The following CEACAM20 variants were observed in gnomAD, a reference collection of about 807,000 sequenced individuals.
CEACAM20 encodes the protein CEA cell adhesion molecule 20.
CEACAM20 carries 50 observed loss-of-function variants against 61.2 expected under a neutral mutation model. That is an observed-to-expected ratio of 0.82 (90% CI 0.65 to 1.03). The LOEUF (loss-of-function observed/expected upper bound fraction) is 1.03. Among genes scored for constraint, CEACAM20 ranks in the 50% least tolerant of loss-of-function variants. The probability of loss-of-function intolerance (pLI) is 0.00; values close to 1 mark genes in which losing one functional copy is unlikely to be tolerated. For synonymous variants in CEACAM20, 282 were observed against 287.7 expected (o/e 0.98, Z 0.20); for missense variants, 683 against 736.4 (o/e 0.93, Z 0.84).
chr19:44,528,158 T>C (rs751129144), intron 1 of CEACAM20, among the ~76,000 whole-genome samples: 2,222 of 124,702 alleles, frequency 0.018, 70 homozygotes, highest in African/African-American at 0.059. Flanking sequence ...TCTTTCTTTC[T>C]TTTCTTTCTT....
At chr19:44,525,333 G>A in intron 1 of CEACAM20, 89 bp from the exon 2 acceptor site, 1 of 1,310,630 alleles carries the variant, frequency 7.6e-7, no homozygotes, top group East Asian at 2.6e-5. Flanking sequence ...GGAGCTCTGA[G>A]GCCATAGGAC....
chr19:44,515,920 T>A (rs936761982), intron 6 of CEACAM20, among the ~76,000 whole-genome samples: 11 of 152,160 alleles, frequency 7.2e-5, no homozygotes, highest in African/African-American at 2.4e-4. Context: ...CAGTGACCCA[T>A]GATCATGCCA....
intron 5 of CEACAM20, among the ~76,000 whole-genome samples, chr19:44,518,003 G>A (rs769978855): frequency 1.3e-5 from 2 of 151,688 alleles, no homozygotes; most frequent in Non-Finnish European, 2.9e-5. Flanking sequence ...TTGAACCTGG[G>A]AGGCCGAAGT....
chr19:44,522,670 G>A lies in CEACAM20; in HGVS notation c.715C>T (p.Leu239=), dbSNP rs754408705. 1.2e-6 allele frequency: 2 copies of A among 1,613,684 alleles called. No individual in the cohort carries two copies. The highest frequency in any genetic ancestry group is 8.5e-7 in the Non-Finnish European group (1 of 1,179,776). The change falls in exon 4 of 12, where the codon CTG becomes TTG. Residue 239 remains leucine, a synonymous_variant. Transcript: ENST00000614924. The part of the protein sequence containing the change: ...RCLVSNSATH[L]SSLGTLKVRV... ...ACCTTCAGAGTACCCAGGCTGGACA[G>A]GTGGGTGGCACTGTTGGACACCAAG...
Position 44,520,588 on chromosome 19 carries a change from T to A in CEACAM20, c.916A>T (p.Asn306Tyr). The A allele has an allele frequency of 6.2e-7, 1 of 1,614,024 alleles. No homozygotes were observed. The highest frequency in any genetic ancestry group is 1.3e-5 in the African/African-American group (1 of 75,062). The change falls in exon 5 of 12, where the codon AAC becomes TAC. Residue 306 changes from asparagine (N) to tyrosine (Y), a missense_variant. Transcript: ENST00000614924. ...PSEHLQLSAD[N>Y]RTLIIHGLQR... ...AGGCCATGGATGATTAGGGTCCTGT[T>A]GTCAGCTGACAGCTGCAGGTGCTCA... is the stretch of plus-strand genomic sequence containing the variant.
chr19:44,523,781 C>T (rs1297510447), intron 3 of CEACAM20, among the ~76,000 whole-genome samples: 1 of 152,194 alleles, frequency 6.6e-6, no homozygotes, highest in Non-Finnish European at 1.5e-5. Context: ...GACATTTCAT[C>T]TCCATCTGAC....
chr19:44,508,653 G>A (rs1024828482), intron 11 of CEACAM20, among the ~76,000 whole-genome samples: 7 of 152,140 alleles, frequency 4.6e-5, no homozygotes, highest in Admixed American at 3.9e-4. Flanking sequence ...ACCTCCCAAA[G>A]TGCTGGGATT....
At chr19:44,514,166 A>C (rs1301053748) in intron 6 of CEACAM20, among the ~76,000 whole-genome samples, 1 of 152,124 alleles carries the variant, frequency 6.6e-6, no homozygotes. Flanking sequence ...TCATTTCTTC[A>C]TCTGTAAATA....
intron 1 of CEACAM20, among the ~76,000 whole-genome samples, chr19:44,528,149 C>T (rs150350258): frequency 1.9e-5 from 2 of 106,326 alleles, no homozygotes; most frequent in Non-Finnish European, 3.8e-5. Flanking sequence ...TCTTTCTTTT[C>T]TTTCTTTCTT....
chr19:44,515,603 C>T (rs1395902127), intron 6 of CEACAM20, among the ~76,000 whole-genome samples: 1 of 151,986 alleles, frequency 6.6e-6, no homozygotes, highest in African/African-American at 2.4e-5. Flanking sequence ...CAGAGAGTAC[C>T]CAAGAAGTGT....
chr19:44,515,785 G>A (rs1971136979), intron 6 of CEACAM20, among the ~76,000 whole-genome samples: 1 of 152,044 alleles, frequency 6.6e-6, no homozygotes, highest in African/African-American at 2.4e-5. Flanking sequence ...GCAACATAGG[G>A]AGGCCCCGTC....
rs1971045470 is a variant in CEACAM20 at position 44,512,926 on chromosome 19, G to A, written c.1455C>T (p.Pro485=). 1 of 1,613,354 alleles carries A rather than the reference G, an allele frequency of 6.2e-7. No homozygotes were observed. Among genetic ancestry groups the A allele is most frequent in the African/African-American group, 1.3e-5 (1 of 74,912 alleles). ...RRPSRKTTED[P]SHETSQPIPK... is the part of the protein sequence containing the mutation. ...GGATGGGTTGTGAGGTCTCATGACT[G>A]GGGTCCTCTGTTGTTTTCCTTGAGG... is the stretch of plus-strand genomic sequence containing the variant. Residue 485 remains proline, a synonymous_variant, in exon 8 of 12, where the codon CCC becomes CCT. Transcript: ENST00000614924.
In CEACAM20 at chr19:44,506,185, G is replaced by C; in HGVS notation, c.1767C>G (p.Tyr589Ter). The C allele has an allele frequency of 6.2e-7, 1 of 1,613,844 alleles. No individual in the cohort carries two copies. Among genetic ancestry groups the C allele is most frequent in the South Asian group, 1.1e-5 (1 of 91,060 alleles). Residue 589 changes from tyrosine (Y) to a stop codon, truncating the protein, a stop_gained, in exon 12 of 12, where the codon TAC becomes TAG. Transcript: ENST00000614924. LOFTEE classifies it high-confidence loss of function. ...EELVNPEPNT[Y>*]IQINPSV Reference sequence around the variant, plus strand: ...ATTAGACGGAGGGGTTGATTTGGATGTAAGTGTTGGGCTCTGGATTCACAA... The same window carrying C: ...ATTAGACGGAGGGGTTGATTTGGATCTAAGTGTTGGGCTCTGGATTCACAA...
At position 44,512,129 on chromosome 19, in the gene CEACAM20, G is replaced by T. The variant is rs370270992; in HGVS notation, c.1514-51C>A. 1.1e-3 allele frequency: 1,512 copies of T among 1,423,856 alleles called. 8 individuals carry two copies. Among genetic ancestry groups the T allele is most frequent in the Middle Eastern group, 4.6e-3 (26 of 5,704 alleles). The allele number at this position is 1,423,856 out of a possible 1,614,324, so 88.2% of individuals were successfully genotyped here. A position where few individuals can be genotyped will look rare whatever the true frequency, so the allele number is the denominator to read the frequency against. On this transcript the variant is annotated intron_variant, in intron 8 of 11. Coordinates refer to ENST00000614924, the MANE Select transcript of CEACAM20 (RefSeq NM_001102597.3). ...AGCTGGAGTTCGAAAGAGATATGGG[G>T]CAAGGGGCTGTTTTTCCAGGACCCC... is the stretch of plus-strand genomic sequence containing the variant.
At chr19:44,511,490 C>A (rs1970998231) in intron 10 of CEACAM20, 147 bp downstream of exon 10, 1 of 823,688 alleles carries the variant, frequency 1.2e-6, no homozygotes, top group Non-Finnish European at 2.0e-6. Flanking sequence ...CTCTGTGAGG[C>A]CTTAGGCTAC....
chr19:44,525,940 GA>G (rs997700461), intron 1 of CEACAM20, among the ~76,000 whole-genome samples: 14 of 152,268 alleles, frequency 9.2e-5, no homozygotes, highest in Admixed American at 7.8e-4. Flanking sequence ...TCCACATAGA[GA>G]AAAAACCGAT....
intron 1 of CEACAM20, among the ~76,000 whole-genome samples, chr19:44,526,938 G>A (rs1308690077): frequency 6.6e-6 from 1 of 150,382 alleles, no homozygotes; most frequent in Non-Finnish European, 1.5e-5. Flanking sequence ...CAGCAGCTGT[G>A]CTCACACGCA....
intron 8 of CEACAM20, among the ~76,000 whole-genome samples, chr19:44,512,341 C>T (rs1971026659): frequency 6.6e-6 from 1 of 152,110 alleles, no homozygotes; most frequent in Non-Finnish European, 1.5e-5. Context: ...TGGATTTAGC[C>T]CTTTATCCCT....
At chr19:44,525,400 G>T (rs1971499686) in intron 1 of CEACAM20, among the ~76,000 whole-genome samples, 156 bp from the exon 2 acceptor site, 1 of 152,064 alleles carries the variant, frequency 6.6e-6, no homozygotes, top group African/African-American at 2.4e-5. Flanking sequence ...TATGTGACCT[G>T]CAGCATGTTT....
Sources: gnomAD v4.1 joint callset for allele counts (sites outside exome capture counted in the v4.1 genomes callset) on GRCh38, gnomAD v4.1.1 for gene constraint, MANE v1.5 for transcripts, NCBI Gene and HGNC (gene_info 2026-07-23, HGNC 2026-07-21) for gene names.